Variants in SNX16 observed in about 807,000 individuals in gnomAD.
The protein encoded by SNX16 is sorting nexin-16.
In SNX16, 35 loss-of-function variants were observed where a neutral mutation model predicts 36.7. That is an observed-to-expected ratio of 0.95 (90% CI 0.73 to 1.27). The LOEUF (loss-of-function observed/expected upper bound fraction) is 1.27. SNX16 is among the 50% of genes most tolerant of loss of function. The probability of loss-of-function intolerance (pLI) is 0.00; values close to 1 mark genes in which losing one functional copy is unlikely to be tolerated. For synonymous variants in SNX16, 134 were observed against 132.0 expected (o/e 1.02, Z -0.10); for missense variants, 367 against 393.6 (o/e 0.93, Z 0.57).
At chr8:81,808,028 C>G in intron 5 of SNX16, 1 of 879,158 alleles carries the variant, frequency 1.1e-6, no homozygotes, top group African/African-American at 1.6e-5. Flanking sequence ...GTTGTGGAAC[C>G]AAAGAGAGCT....
chr8:81,801,457 T>G lies in SNX16; in HGVS notation c.*40A>C, dbSNP rs200513601. 4 of 1,256,338 alleles carry G rather than the reference T, an allele frequency of 3.2e-6. No individual in the cohort carries two copies. The East Asian group carries it at 9.7e-5, about 30-fold the overall frequency. The allele number at this position is 1,256,338 out of a possible 1,614,324, so 77.8% of individuals were successfully genotyped here. ...AAATAGTATTTGCCACTCTTCTAAA[T>G]TTTTGAATAGTCTAAATGGAGGGAA... On this transcript the variant is annotated 3_prime_UTR_variant, in exon 8 of 8. Coordinates refer to ENST00000345957, the MANE Select transcript of SNX16 (RefSeq NM_152836.3).
chr8:81,837,811 AT>A (rs1233948295), intron 2 of SNX16, among the ~76,000 whole-genome samples: 2 of 152,138 alleles, frequency 1.3e-5, no homozygotes, highest in Non-Finnish European at 2.9e-5. Flanking sequence ...ATCAGTTTAT[AT>A]TTTCTAAAAA....
chr8:81,818,207 C>T (rs2130676768), intron 4 of SNX16, among the ~76,000 whole-genome samples: 1 of 152,164 alleles, frequency 6.6e-6, no homozygotes, highest in South Asian at 2.1e-4. Context: ...ACCATCCAAC[C>T]AACCTTAGTA....
chr8:81,803,074 G>T lies in SNX16; in HGVS notation c.818+18C>A. The T allele has an allele frequency of 6.3e-7, 1 of 1,585,632 alleles. No individual in the cohort carries two copies. ...GGGTTGAATTAGTCAGAGTAGAAAT[G>T]CAAGTATCACAACACACCTGATTCT... On this transcript the variant is annotated intron_variant, in intron 6 of 7. Transcript: ENST00000345957.
At chr8:81,805,601 A>G (rs929266949) in intron 5 of SNX16, among the ~76,000 whole-genome samples, 3 of 152,216 alleles carry the variant, frequency 2.0e-5, no homozygotes, top group African/African-American at 7.2e-5. Flanking sequence ...AGATATGTTA[A>G]GAGATTTTCA....
At chr8:81,802,274 G>T in intron 7 of SNX16, 106 bp downstream of exon 7, 1 of 729,910 alleles carries the variant, frequency 1.4e-6, no homozygotes, top group Non-Finnish European at 2.0e-6. Flanking sequence ...TAGCAGATTC[G>T]TGATACAGTA....
intron 4 of SNX16, 79 bp from the exon 5 acceptor site, chr8:81,815,473 G>T: frequency 8.7e-7 from 1 of 1,149,130 alleles, no homozygotes; most frequent in Non-Finnish European, 1.3e-6. Flanking sequence ...TTACTTTGAA[G>T]CTGTACAGTG....
intron 5 of SNX16, 23 bp downstream of exon 5, chr8:81,815,302 G>T: frequency 1.3e-6 from 2 of 1,570,656 alleles, no homozygotes; most frequent in Non-Finnish European, 1.7e-6. Context: ...CTCTTTTCAT[G>T]TGCTATATAA....
chr8:81,838,685 A>C (rs1446827806), intron 2 of SNX16, among the ~76,000 whole-genome samples: 1 of 152,112 alleles, frequency 6.6e-6, no homozygotes, highest in African/African-American at 2.4e-5. Context: ...TTTTAGAAGA[A>C]AACATAGGAC....
intron 4 of SNX16, among the ~76,000 whole-genome samples, chr8:81,820,002 T>A (rs536616911): frequency 5.3e-4 from 80 of 152,188 alleles, no homozygotes; most frequent in African/African-American, 1.9e-3. Flanking sequence ...GAACAATTAA[T>A]AAACAATTAA....
At chr8:81,806,266 T>C (rs1377005495) in intron 5 of SNX16, among the ~76,000 whole-genome samples, 1 of 152,176 alleles carries the variant, frequency 6.6e-6, no homozygotes, top group African/African-American at 2.4e-5. Flanking sequence ...AAATGTTACA[T>C]ATGCCAAAAT....
At chr8:81,825,345 T>G (rs1273003050) in intron 3 of SNX16, among the ~76,000 whole-genome samples, 1 of 152,192 alleles carries the variant, frequency 6.6e-6, no homozygotes, top group Non-Finnish European at 1.5e-5. Flanking sequence ...AACAGCACAT[T>G]TAATTTAGGC....
chr8:81,841,459 C>T lies in SNX16; in HGVS notation c.-97+663G>A, dbSNP rs145552683. 2.5e-3 allele frequency among the ~76,000 whole-genome samples: 385 copies of T among 152,142 alleles called. 1 individual carries two copies. Among genetic ancestry groups the T allele is most frequent in the South Asian group, 0.011 (54 of 4,806 alleles). ...CCGCTCCTCGGTTCCGCCTGACGGC[C>T]TCCCCAAAAACAAGTAAGTCTGAAA... is the stretch of plus-strand genomic sequence containing the variant. On this transcript the variant is annotated intron_variant, in intron 1 of 7. Transcript: ENST00000345957.
intron 4 of SNX16, among the ~76,000 whole-genome samples, chr8:81,817,193 A>C (rs1355277906): frequency 6.6e-6 from 1 of 152,224 alleles, no homozygotes; most frequent in Non-Finnish European, 1.5e-5. Flanking sequence ...AGTATATGAC[A>C]AATGTGAGAC....
intron 2 of SNX16, among the ~76,000 whole-genome samples, chr8:81,835,931 C>T (rs780061313): frequency 6.6e-6 from 1 of 152,174 alleles, no homozygotes; most frequent in African/African-American, 2.4e-5. Context: ...AAGACCTGCC[C>T]CAATGATTGC....
At chr8:81,833,412 C>G (rs138095764) in intron 2 of SNX16, among the ~76,000 whole-genome samples, 3 of 148,628 alleles carry the variant, frequency 2.0e-5, no homozygotes, top group Non-Finnish European at 4.5e-5. Context: ...AAAAATAAAG[C>G]AATTTATCTT....
chr8:81,807,927 G>A, intron 5 of SNX16: 1 of 772,000 alleles, frequency 1.3e-6, no homozygotes, highest in South Asian at 1.3e-5. Flanking sequence ...CAAACACCAG[G>A]TGCTCCAGGG....
intron 2 of SNX16, among the ~76,000 whole-genome samples, chr8:81,830,389 T>G (rs1293763311): frequency 6.6e-6 from 1 of 151,686 alleles, no homozygotes; most frequent in Non-Finnish European, 1.5e-5. Flanking sequence ...GCTAACACAG[T>G]GCAACCCCAT....
chr8:81,826,305 G>C (rs550432040), intron 3 of SNX16, among the ~76,000 whole-genome samples: 5 of 152,072 alleles, frequency 3.3e-5, no homozygotes, highest in Non-Finnish European at 7.4e-5. Flanking sequence ...ATGCCTGGTT[G>C]CATCTGCCAC....
Sources: allele counts gnomAD v4.1 joint callset (sites outside exome capture counted in the v4.1 genomes callset), GRCh38; gene constraint gnomAD v4.1.1; transcripts MANE v1.5; gene names NCBI Gene and HGNC (gene_info 2026-07-23, HGNC 2026-07-21).